RUNX2: variants seen among roughly 807,000 people sequenced by gnomAD.
RUNX2 encodes runt-related transcription factor 2.
A neutral mutation model predicts 51.7 loss-of-function variants in RUNX2; 10 were observed. The ratio of observed to expected loss-of-function variants is 0.19; its 90% CI spans 0.12 to 0.33. RUNX2 has a LOEUF of 0.33. RUNX2 is among the 10% of genes least tolerant of loss of function. The pLI is 1.00. For missense variants in RUNX2, 562 were observed against 691.3 expected (o/e 0.81, Z 2.10); for synonymous variants, 276 against 273.6 (o/e 1.01, Z -0.09).
intron 2 of RUNX2, among the ~76,000 whole-genome samples, chr6:45,368,972 A>G (rs1795597092): frequency 6.6e-6 from 1 of 150,380 alleles, no homozygotes; most frequent in Admixed American, 6.8e-5. Context: ...TGATGTGAAA[A>G]ATAATACCAA....
At chr6:45,532,366 A>G (rs1801886669) in intron 7 of RUNX2, among the ~76,000 whole-genome samples, 1 of 151,858 alleles carries the variant, frequency 6.6e-6, no homozygotes, top group African/African-American at 2.4e-5. Flanking sequence ...AAACCCACAG[A>G]GATGATTTCA....
At chr6:45,442,337 G>A (rs547400798) in intron 5 of RUNX2, among the ~76,000 whole-genome samples, 2 of 152,332 alleles carry the variant, frequency 1.3e-5, no homozygotes, top group East Asian at 3.9e-4. Flanking sequence ...TAGCTCTGAA[G>A]AACAACTGTC....
intron 5 of RUNX2, among the ~76,000 whole-genome samples, chr6:45,441,866 C>T (rs897471759): frequency 2.0e-5 from 3 of 152,238 alleles, no homozygotes; most frequent in African/African-American, 7.2e-5. Context: ...TGCCTATCAA[C>T]ACATCTGCCA....
intron 7 of RUNX2, among the ~76,000 whole-genome samples, chr6:45,538,339 C>T (rs1419203748): frequency 3.9e-5 from 6 of 152,154 alleles, no homozygotes; most frequent in South Asian, 2.1e-4. Flanking sequence ...CTGCCTCGCT[C>T]GCCATCTCCC....
chr6:45,535,410 C>T (rs1403681199), intron 7 of RUNX2, among the ~76,000 whole-genome samples: 1 of 152,086 alleles, frequency 6.6e-6, no homozygotes, highest in Non-Finnish European at 1.5e-5. Flanking sequence ...CGAGACCATC[C>T]TGGCTAACAC....
At chr6:45,485,693 G>GTATATATATATATATATATATATATATA (rs1257977356) in intron 5 of RUNX2, among the ~76,000 whole-genome samples, 7 of 101,860 alleles carry the variant, frequency 6.9e-5, no homozygotes, top group African/African-American at 1.2e-4. Context: ...GTGTGTGTGT[G>GTATATATATATATATATATATATATATA]TGTGTATATA....
At chr6:45,518,602 A>G (rs1801404056) in intron 7 of RUNX2, among the ~76,000 whole-genome samples, 1 of 152,176 alleles carries the variant, frequency 6.6e-6, no homozygotes, top group Non-Finnish European at 1.5e-5. Context: ...CTGAGATACT[A>G]AAGCTCAGAA....
At chr6:45,406,833 C>T (rs967946893) in intron 2 of RUNX2, among the ~76,000 whole-genome samples, 1 of 152,158 alleles carries the variant, frequency 6.6e-6, no homozygotes, top group African/African-American at 2.4e-5. Flanking sequence ...AAACCAATCT[C>T]CAGCCCAACC....
At chr6:45,381,013 C>G (rs1336547563) in intron 2 of RUNX2, among the ~76,000 whole-genome samples, 2 of 152,238 alleles carry the variant, frequency 1.3e-5, no homozygotes, top group African/African-American at 4.8e-5. Context: ...ATTATTTCAT[C>G]CTTTGCTATA....
At chr6:45,472,290 T>A (rs1346126543) in intron 5 of RUNX2, among the ~76,000 whole-genome samples, 1 of 152,048 alleles carries the variant, frequency 6.6e-6, no homozygotes, top group Admixed American at 6.6e-5. Context: ...TAAGCAGACA[T>A]CAGAAACGGA....
chr6:45,387,404 A>T (rs529215607), intron 2 of RUNX2, among the ~76,000 whole-genome samples: 1 of 152,230 alleles, frequency 6.6e-6, no homozygotes, highest in Non-Finnish European at 1.5e-5. Flanking sequence ...CATTCCACAC[A>T]CATAACTCAC....
chr6:45,365,292 T>C (rs1241791203), intron 2 of RUNX2: 2 of 1,608,188 alleles, frequency 1.2e-6, no homozygotes, highest in Non-Finnish European at 8.5e-7. Context: ...CTAGCTGCCG[T>C]ATTATTCATC....
chr6:45,467,886 A>G (rs1194003835), intron 5 of RUNX2, among the ~76,000 whole-genome samples: 1 of 152,212 alleles, frequency 6.6e-6, no homozygotes, highest in Non-Finnish European at 1.5e-5. Flanking sequence ...CCTTACCTTA[A>G]TATAGGGAAT....
At chr6:45,418,855 C>G (rs1044266045) in intron 2 of RUNX2, among the ~76,000 whole-genome samples, 1 of 152,124 alleles carries the variant, frequency 6.6e-6, no homozygotes. Flanking sequence ...TTTAAGAGAT[C>G]CAAGACTAGT....
intron 2 of RUNX2, among the ~76,000 whole-genome samples, chr6:45,383,557 T>G (rs1200249570): frequency 6.6e-6 from 1 of 152,152 alleles, no homozygotes; most frequent in Non-Finnish European, 1.5e-5. Flanking sequence ...CTATCTAATA[T>G]ATGTCAAGGA....
At chr6:45,350,994 C>G (rs1229217860) in intron 2 of RUNX2, among the ~76,000 whole-genome samples, 1 of 152,070 alleles carries the variant, frequency 6.6e-6, no homozygotes, top group Non-Finnish European at 1.5e-5. Flanking sequence ...ACTGCACACG[C>G]GAAGGATCTA....
intron 5 of RUNX2, among the ~76,000 whole-genome samples, chr6:45,482,866 G>A (rs1340454674): frequency 1.3e-5 from 2 of 152,156 alleles, no homozygotes; most frequent in Non-Finnish European, 1.5e-5. Flanking sequence ...CTTCTCTCTT[G>A]ATAAACGCCG....
intron 7 of RUNX2, among the ~76,000 whole-genome samples, chr6:45,520,113 T>C (rs1256209530): frequency 6.6e-6 from 1 of 152,082 alleles, no homozygotes. Context: ...ATTACAGGTG[T>C]GAGCCACTGC....
At position 45,550,088 on chromosome 6, in the gene RUNX2, A is replaced by G. The variant is rs1431225015; in HGVS notation, c.*2783A>G. On this transcript the variant is annotated 3_prime_UTR_variant, in exon 9 of 9. Transcript: ENST00000647337. The stretch of plus-strand genomic sequence containing the variant: ...TTCAAGACCAAAGCAAAGTCTTACT[A>G]CTACTGTGGAACCATGTACTAGTTC... 3 of 151,368 alleles carry G rather than the reference A, an allele frequency of 2.0e-5. No homozygotes were observed. Among genetic ancestry groups the G allele is most frequent in the East Asian group, 1.9e-4 (1 of 5,146 alleles). The allele number at this position is 151,368 out of a possible 1,614,324, so 9.4% of individuals were successfully genotyped here.
Sources: gnomAD v4.1 joint callset for allele counts (sites outside exome capture counted in the v4.1 genomes callset) on GRCh38, gnomAD v4.1.1 for gene constraint, MANE v1.5 for transcripts, NCBI Gene and HGNC (gene_info 2026-07-23, HGNC 2026-07-21) for gene names.